The following THSD7A variants were observed in gnomAD, a reference collection of about 807,000 sequenced individuals.
THSD7A encodes the protein thrombospondin type 1 domain containing 7A.
A neutral mutation model predicts 231.3 loss-of-function variants in THSD7A; 96 were observed. That is an observed-to-expected ratio of 0.41 (90% CI 0.35 to 0.49). THSD7A has a LOEUF of 0.49. Ranked by LOEUF, THSD7A falls within the 20% of genes least tolerant of loss-of-function variation. THSD7A has a pLI of 0.05. For missense variants in THSD7A, 2,290 were observed against 2,070.2 expected (o/e 1.11, Z -2.06); for synonymous variants, 940 against 743.3 (o/e 1.26, Z -4.30).
At chr7:11,465,142 T>C (rs1188773074) in intron 9 of THSD7A, among the ~76,000 whole-genome samples, 2 of 152,174 alleles carry the variant, frequency 1.3e-5, no homozygotes, top group African/African-American at 4.8e-5. Flanking sequence ...GAGTCACATA[T>C]AGTAAGTGCT....
chr7:11,417,678 G>T, intron 16 of THSD7A, 75 bp from the exon 17 acceptor site: 1 of 1,470,262 alleles, frequency 6.8e-7, no homozygotes, highest in South Asian at 1.4e-5. Flanking sequence ...CAATTAGAAT[G>T]ACCAACCCAC....
At chr7:11,822,361 C>T (rs544075373) in intron 1 of THSD7A, among the ~76,000 whole-genome samples, 1 of 152,110 alleles carries the variant, frequency 6.6e-6, no homozygotes, top group African/African-American at 2.4e-5. Flanking sequence ...ATCCACATTG[C>T]TGCCAAACAC....
At chr7:11,407,465 G>A in intron 19 of THSD7A, 42 bp from the exon 20 acceptor site, 1 of 1,464,520 alleles carries the variant, frequency 6.8e-7, no homozygotes, top group Non-Finnish European at 9.5e-7. Context: ...TTGTAAATTG[G>A]GGGAGGGAGC....
intron 1 of THSD7A, among the ~76,000 whole-genome samples, chr7:11,826,427 T>C (rs187372621): frequency 4.1e-4 from 62 of 152,374 alleles, no homozygotes; most frequent in Middle Eastern, 3.4e-3. Context: ...TGATTAATGC[T>C]AAGTCAGTCG....
intron 1 of THSD7A, among the ~76,000 whole-genome samples, chr7:11,771,137 TATAAA>T (rs1455855455): frequency 1.3e-5 from 2 of 150,984 alleles, no homozygotes; most frequent in Admixed American, 6.6e-5. Flanking sequence ...TCATAATTAA[TATAAA>T]ATATGTTTAT....
intron 4 of THSD7A, among the ~76,000 whole-genome samples, chr7:11,567,589 C>A (rs1354342546): frequency 1.3e-5 from 2 of 152,174 alleles, no homozygotes; most frequent in African/African-American, 4.8e-5. Context: ...ACTGGAATCA[C>A]CTGGAGAGGG....
intron 23 of THSD7A, among the ~76,000 whole-genome samples, chr7:11,388,394 C>T (rs565061760): frequency 6.0e-4 from 91 of 152,152 alleles, no homozygotes; most frequent in Admixed American, 2.3e-3. Flanking sequence ...TTCAGGGATT[C>T]GACTTCTTCC....
intron 16 of THSD7A, among the ~76,000 whole-genome samples, chr7:11,422,929 G>T (rs1784198387): frequency 6.6e-6 from 1 of 151,990 alleles, no homozygotes; most frequent in African/African-American, 2.4e-5. Context: ...GGGATTACAG[G>T]TATGAACCAC....
At chr7:11,603,678 C>A (rs1780631061) in intron 2 of THSD7A, among the ~76,000 whole-genome samples, 1 of 151,354 alleles carries the variant, frequency 6.6e-6, no homozygotes, top group Non-Finnish European at 1.5e-5. Context: ...CACATATACA[C>A]CATGGAATAC....
At chr7:11,659,033 T>A (rs1425563186) in intron 1 of THSD7A, among the ~76,000 whole-genome samples, 1 of 151,728 alleles carries the variant, frequency 6.6e-6, no homozygotes, top group Non-Finnish European at 1.5e-5. Flanking sequence ...TGACACATTT[T>A]AGGTTTTGAA....
intron 1 of THSD7A, among the ~76,000 whole-genome samples, chr7:11,807,379 A>T (rs1382031173): frequency 1.3e-5 from 2 of 152,200 alleles, no homozygotes; most frequent in African/African-American, 4.8e-5. Flanking sequence ...AAAGGAAAGT[A>T]TTCCCAAATA....
intron 16 of THSD7A, among the ~76,000 whole-genome samples, chr7:11,424,184 C>CTTAA (rs1395342107): frequency 1.3e-5 from 2 of 152,054 alleles, no homozygotes; most frequent in African/African-American, 4.8e-5. Flanking sequence ...TTAATTTAAA[C>CTTAA]TTAATTTTTT....
chr7:11,818,564 C>G (rs993406409), intron 1 of THSD7A, among the ~76,000 whole-genome samples: 2 of 152,322 alleles, frequency 1.3e-5, no homozygotes, highest in Admixed American at 6.5e-5. Context: ...TGGACCTTCA[C>G]TGTTTCCCAG....
chr7:11,649,281 G>A (rs544289529), intron 1 of THSD7A, among the ~76,000 whole-genome samples: 1 of 151,956 alleles, frequency 6.6e-6, no homozygotes, highest in African/African-American at 2.4e-5. Flanking sequence ...TAATTCTTAA[G>A]AGGACTGCAG....
At chr7:11,671,747 AAC>A (rs1347454240) in intron 1 of THSD7A, among the ~76,000 whole-genome samples, 1 of 152,160 alleles carries the variant, frequency 6.6e-6, no homozygotes, top group African/African-American at 2.4e-5. Flanking sequence ...AGGGCAATGA[AAC>A]ACAATATATA....
intron 1 of THSD7A, among the ~76,000 whole-genome samples, chr7:11,722,008 T>C (rs1429626758): frequency 6.6e-6 from 1 of 151,886 alleles, no homozygotes; most frequent in Non-Finnish European, 1.5e-5. Context: ...TTGGTCTGGT[T>C]AGTTTCTACT....
rs1210090413 is a variant in THSD7A, at chr7:11,372,839, TG to T, written c.*2954del. The T allele has an allele frequency of 6.6e-6, 1 of 152,080 alleles. No individual in the cohort carries two copies. The highest frequency in any genetic ancestry group is 6.6e-5 in the Admixed American group (1 of 15,230). 9.4% of individuals were successfully genotyped at this position (152,080 alleles called of 1,614,324 possible). ...TCCAATAAAATATTTAACTCATTATTGTCTCATGTCAGAAACAAAAATAAGG... is the reference window on the plus strand; with the variant it reads ...TCCAATAAAATATTTAACTCATTATTTCTCATGTCAGAAACAAAAATAAGG... On this transcript the variant is annotated 3_prime_UTR_variant, in exon 28 of 28. Coordinates refer to ENST00000423059, the MANE Select transcript of THSD7A (RefSeq NM_015204.3).
chr7:11,404,011 T>C (rs942553111), intron 22 of THSD7A, among the ~76,000 whole-genome samples: 27 of 152,178 alleles, frequency 1.8e-4, no homozygotes, highest in South Asian at 6.2e-4. Flanking sequence ...AATGAATAGA[T>C]TGTAATTTAG....
chr7:11,655,193 T>G (rs73292683), intron 1 of THSD7A, among the ~76,000 whole-genome samples: 162 of 152,004 alleles, frequency 1.1e-3, no homozygotes, highest in African/African-American at 3.7e-3. Context: ...ATTATCAAAG[T>G]GCTTCTGGGT....
Sources: allele counts gnomAD v4.1 joint callset (sites outside exome capture counted in the v4.1 genomes callset), GRCh38; gene constraint gnomAD v4.1.1; transcripts MANE v1.5; gene names NCBI Gene and HGNC (gene_info 2026-07-23, HGNC 2026-07-21).